GLI3: variants seen among roughly 807,000 people sequenced by gnomAD.
GLI3 encodes GLI family zinc finger 3, also known as transcription activator GLI3.
In GLI3, 20 loss-of-function variants were observed where a neutral mutation model predicts 100.8. That is an observed-to-expected ratio of 0.20 (90% CI 0.14 to 0.29). The LOEUF (loss-of-function observed/expected upper bound fraction) is 0.29, where lower values mean the gene tolerates loss of function less well. Among genes scored for constraint, GLI3 ranks in the 10% least tolerant of loss-of-function variants. The pLI is 1.00. For missense variants in GLI3, 2,040 were observed against 2,128.5 expected (o/e 0.96, Z 0.82); for synonymous variants, 938 against 860.5 (o/e 1.09, Z -1.58).
intron 12 of GLI3, among the ~76,000 whole-genome samples, chr7:41,975,478 A>C (rs765234120): frequency 2.6e-5 from 4 of 152,224 alleles, no homozygotes; most frequent in Non-Finnish European, 5.9e-5. Context: ...AGAAGAGAGA[A>C]GTATAATTTG....
At chr7:42,249,010 T>A (rs1789003644) in intron 1 of GLI3, among the ~76,000 whole-genome samples, 1 of 152,126 alleles carries the variant, frequency 6.6e-6, no homozygotes, top group Non-Finnish European at 1.5e-5. Flanking sequence ...CCAAAGTGGC[T>A]GGGATTGATT....
intron 2 of GLI3, among the ~76,000 whole-genome samples, chr7:42,213,449 C>T (rs750806811): frequency 6.6e-6 from 1 of 152,154 alleles, no homozygotes; most frequent in African/African-American, 2.4e-5. Context: ...AGTTTCGTGA[C>T]TGGTGGTGAA....
At chr7:42,148,137 A>ACG in intron 3 of GLI3, 89 bp downstream of exon 3, 1 of 44,848 alleles carries the variant, frequency 2.2e-5, no homozygotes, top group Non-Finnish European at 3.7e-5. Flanking sequence ...TAAAGCGCGC[A>ACG]CACACACACA....
chr7:42,076,448 G>A (rs1583534974), intron 4 of GLI3, among the ~76,000 whole-genome samples: 1 of 152,154 alleles, frequency 6.6e-6, no homozygotes, highest in Non-Finnish European at 1.5e-5. Context: ...TACATATTCT[G>A]AGTGGTAACT....
At chr7:42,221,054 T>C (rs190214034) in intron 2 of GLI3, among the ~76,000 whole-genome samples, 15 of 152,248 alleles carry the variant, frequency 9.9e-5, no homozygotes, top group Admixed American at 7.8e-4. Flanking sequence ...GGGAGTGTGG[T>C]TGAGGAAACA....
upstream of GLI3, among the ~76,000 whole-genome samples, chr7:42,242,648 G>C (rs1349846869): frequency 6.6e-6 from 1 of 152,136 alleles, no homozygotes; most frequent in Non-Finnish European, 1.5e-5. Flanking sequence ...TGTTCTGAGA[G>C]ATTCCAGTAT....
chr7:42,085,931 T>C (rs986867207), intron 3 of GLI3, among the ~76,000 whole-genome samples: 1 of 152,204 alleles, frequency 6.6e-6, no homozygotes, highest in Non-Finnish European at 1.5e-5. Flanking sequence ...GGTTGGCAAC[T>C]TTGTAGCAAT....
chr7:42,116,943 C>T (rs1275648995), intron 3 of GLI3, among the ~76,000 whole-genome samples: 3 of 152,156 alleles, frequency 2.0e-5, no homozygotes, highest in African/African-American at 7.2e-5. Context: ...TACATCCTCC[C>T]TTTACCAATG....
intron 2 of GLI3, among the ~76,000 whole-genome samples, chr7:42,168,168 T>C (rs939333136): frequency 1.2e-4 from 18 of 152,240 alleles, no homozygotes; most frequent in Admixed American, 1.2e-3. Context: ...CCAACAGTCA[T>C]TATCTACAAT....
chr7:42,128,786 A>G (rs1278088030), intron 3 of GLI3, among the ~76,000 whole-genome samples: 2 of 152,100 alleles, frequency 1.3e-5, no homozygotes, highest in Admixed American at 6.5e-5. Context: ...ATGGAAGTCC[A>G]TGGGTCTTAA....
Position 41,964,740 on chromosome 7 carries a change from C to T in GLI3, c.4333G>A (p.Asp1445Asn), listed in dbSNP as rs1378290549. Reference protein sequence around the residue: ...NLQNYSGQFYDQTVGFSQQDT... With the variant: ...NLQNYSGQFYNQTVGFSQQDT... The stretch of plus-strand genomic sequence containing the variant: ...TGCTGACTGAAGCCCACGGTTTGGT[C>T]ATAGAACTGACCAGAGTAATTCTGC... Residue 1445 changes from aspartate (D) to asparagine (N), a missense_variant, in exon 15 of 15, where the codon GAC (aspartate) becomes AAC (asparagine). Transcript: ENST00000395925. 3 of 1,614,160 alleles carry T rather than the reference C, an allele frequency of 1.9e-6. No individual in the cohort carries two copies. Among genetic ancestry groups the T allele is most frequent in the Admixed American group, 1.7e-5 (1 of 60,026 alleles).
chr7:41,988,376 T>A (rs1200493993), intron 10 of GLI3, among the ~76,000 whole-genome samples: 1 of 146,388 alleles, frequency 6.8e-6, no homozygotes, highest in East Asian at 2.1e-4. Flanking sequence ...GGCAGGAGAA[T>A]CACTTGAACC....
At chr7:42,082,653 C>T (rs919464304) in intron 3 of GLI3, among the ~76,000 whole-genome samples, 1 of 152,064 alleles carries the variant, frequency 6.6e-6, no homozygotes, top group African/African-American at 2.4e-5. Flanking sequence ...GAAACTCCTC[C>T]GGAATCATCA....
At chr7:42,117,442 T>C (rs1785887854) in intron 3 of GLI3, among the ~76,000 whole-genome samples, 1 of 152,180 alleles carries the variant, frequency 6.6e-6, no homozygotes, top group Non-Finnish European at 1.5e-5. Context: ...AGGAACAGTT[T>C]TGAGAATGAC....
chr7:42,250,489 A>G (rs1386950695), intron 1 of GLI3, among the ~76,000 whole-genome samples: 2 of 152,146 alleles, frequency 1.3e-5, no homozygotes, highest in East Asian at 3.9e-4. Context: ...GGGAGTCATC[A>G]CCAAGCTGAG....
intron 2 of GLI3, among the ~76,000 whole-genome samples, chr7:42,163,710 G>A (rs543125847): frequency 3.9e-4 from 60 of 152,252 alleles, no homozygotes; most frequent in Middle Eastern, 3.4e-3. Flanking sequence ...GATTACAGGC[G>A]TGAACTACCG....
intron 10 of GLI3, among the ~76,000 whole-genome samples, chr7:41,985,149 T>C (rs1015682313): frequency 2.0e-5 from 3 of 152,238 alleles, no homozygotes; most frequent in African/African-American, 7.2e-5. Flanking sequence ...TTTGCTACAT[T>C]TCTCTCTCTT....
intron 2 of GLI3, among the ~76,000 whole-genome samples, chr7:42,171,897 G>A (rs1583619546): frequency 6.6e-6 from 1 of 151,962 alleles, no homozygotes; most frequent in East Asian, 1.9e-4. Flanking sequence ...GGTATTTGGG[G>A]GCAGAGTTTC....
At chr7:42,227,387 GT>G (rs1346330220) in intron 1 of GLI3, among the ~76,000 whole-genome samples, 1 of 151,378 alleles carries the variant, frequency 6.6e-6, no homozygotes, top group Non-Finnish European at 1.5e-5. Flanking sequence ...AAAGCTTGAA[GT>G]TTCATAGGTA....
Sources: gnomAD v4.1 joint callset for allele counts (sites outside exome capture counted in the v4.1 genomes callset) on GRCh38, gnomAD v4.1.1 for gene constraint, MANE v1.5 for transcripts, NCBI Gene and HGNC (gene_info 2026-07-23, HGNC 2026-07-21) for gene names.